The following TRAPPC13 variants were observed in gnomAD, a reference collection of about 807,000 sequenced individuals.
TRAPPC13 encodes the protein REV7-interacting novel NHEJ regulator 1.
TRAPPC13 carries 39 observed loss-of-function variants against 54.0 expected under a neutral mutation model. That is an observed-to-expected ratio of 0.72 (90% confidence interval 0.56 to 0.94). The LOEUF (loss-of-function observed/expected upper bound fraction) is 0.94, where lower values mean the gene tolerates loss of function less well. Among genes scored for constraint, TRAPPC13 ranks in the 40% least tolerant of loss-of-function variants. The pLI is 0.00. For missense variants in TRAPPC13, 386 were observed against 488.1 expected (o/e 0.79, Z 1.97); for synonymous variants, 148 against 167.7 (o/e 0.88, Z 0.91).
intron 1 of TRAPPC13, chr5:65,630,106 C>T (rs748717430): frequency 5.9e-6 from 9 of 1,536,026 alleles, no homozygotes; most frequent in Non-Finnish European, 7.8e-6. Context: ...CAATAGAACA[C>T]ACTATTTGTA....
intron 4 of TRAPPC13, among the ~76,000 whole-genome samples, chr5:65,646,124 T>C (rs1262522723): frequency 6.6e-6 from 1 of 151,998 alleles, no homozygotes; most frequent in Non-Finnish European, 1.5e-5. Context: ...TAATTATAGA[T>C]TGTGATAAAT....
intron 11 of TRAPPC13, 173 bp from the exon 12 acceptor site, chr5:65,664,064 T>G (rs1409994978): frequency 1.5e-6 from 1 of 647,742 alleles, no homozygotes; most frequent in East Asian, 2.8e-5. Flanking sequence ...CTTCCTTTCA[T>G]CTTCCTGGTT....
chr5:65,637,948 A>C (rs1581213544), intron 4 of TRAPPC13, among the ~76,000 whole-genome samples, 168 bp downstream of exon 4: 1 of 151,334 alleles, frequency 6.6e-6, no homozygotes, highest in South Asian at 2.1e-4. Context: ...GTGAAACCCC[A>C]TCTCTACTAA....
intron 1 of TRAPPC13, among the ~76,000 whole-genome samples, chr5:65,631,949 A>T (rs527513699): frequency 7.3e-5 from 11 of 151,640 alleles, no homozygotes. Flanking sequence ...GATTCCCTTG[A>T]GACTGTATTT....
chr5:65,634,099 C>T (rs1362390687), intron 1 of TRAPPC13, among the ~76,000 whole-genome samples: 1 of 151,202 alleles, frequency 6.6e-6, no homozygotes, highest in East Asian at 2.0e-4. Flanking sequence ...CATTCTCCTG[C>T]CTCAGCCTGC....
At chr5:65,657,023 G>A (rs1247066187) in intron 8 of TRAPPC13, among the ~76,000 whole-genome samples, 1 of 148,030 alleles carries the variant, frequency 6.8e-6, no homozygotes, top group Non-Finnish European at 1.5e-5. Context: ...GTTGCAGTGA[G>A]AGGAGATCTT....
At chr5:65,639,488 C>A (rs920521808) in intron 4 of TRAPPC13, among the ~76,000 whole-genome samples, 1 of 152,066 alleles carries the variant, frequency 6.6e-6, no homozygotes, top group Non-Finnish European at 1.5e-5. Context: ...AACGAGACTC[C>A]CATCTCTACA....
At chr5:65,635,840 T>C in intron 2 of TRAPPC13, 104 bp from the exon 3 acceptor site, 1 of 660,710 alleles carries the variant, frequency 1.5e-6, no homozygotes, top group Non-Finnish European at 2.4e-6. Context: ...ATCATCTTTG[T>C]CAAGAGGTTG....
intron 1 of TRAPPC13, chr5:65,629,599 A>G (rs915927831): frequency 1.3e-6 from 2 of 1,531,390 alleles, no homozygotes; most frequent in Non-Finnish European, 1.7e-6. Context: ...TGACTACAGA[A>G]GTAATATTAC....
rs5868412 is a variant in TRAPPC13 at position 65,636,144 on chromosome 5, C to CTTT, written c.215+114_215+116dup. 2.1e-3 allele frequency: 1,085 copies of CTTT among 505,780 alleles called. 1 individual carries two copies. Among genetic ancestry groups the CTTT allele is most frequent in the African/African-American group, 3.4e-3 (161 of 46,840 alleles). The allele number at this position is 505,780 out of a possible 1,614,324, so 31.3% of individuals were successfully genotyped here. A position where few individuals can be genotyped will look rare whatever the true frequency, so the allele number is the denominator to read the frequency against. ...GGGGAAATGCTCATGATACATTTACCTTTTTTTTTTTTTTTCTGAGATGGA... is the reference window on the plus strand; with the variant it reads ...GGGGAAATGCTCATGATACATTTACCTTTTTTTTTTTTTTTTTTCTGAGATGGA... On this transcript the variant is annotated intron_variant, in intron 3 of 12. Coordinates refer to ENST00000399438, the MANE Select transcript of TRAPPC13 (RefSeq NM_024941.4).
chr5:65,640,751 T>C (rs937972973), intron 4 of TRAPPC13, among the ~76,000 whole-genome samples: 1 of 152,146 alleles, frequency 6.6e-6, no homozygotes, highest in Non-Finnish European at 1.5e-5. Context: ...GGCATATACT[T>C]TAAGATGTCA....
chr5:65,625,241 G>T, intron 1 of TRAPPC13, 135 bp downstream of exon 1: 2 of 753,990 alleles, frequency 2.7e-6, no homozygotes, highest in Non-Finnish European at 4.5e-6. Context: ...GCCGCCAAGC[G>T]GGAGGAAGCG....
chr5:65,639,371 A>T (rs964651439), intron 4 of TRAPPC13, among the ~76,000 whole-genome samples: 2 of 152,138 alleles, frequency 1.3e-5, no homozygotes, highest in African/African-American at 4.8e-5. Context: ...TAAGAAAAAA[A>T]AAAACAGGCC....
intron 3 of TRAPPC13, 121 bp downstream of exon 3, chr5:65,636,164 G>T (rs1166399534): frequency 4.8e-6 from 3 of 629,472 alleles, no homozygotes; most frequent in Non-Finnish European, 8.0e-6. Flanking sequence ...TTTTTTCTGA[G>T]ATGGAGTCTC....
At chr5:65,632,423 A>G (rs576553803) in intron 1 of TRAPPC13, among the ~76,000 whole-genome samples, 1 of 152,136 alleles carries the variant, frequency 6.6e-6, no homozygotes, top group African/African-American at 2.4e-5. Flanking sequence ...GCTGATTAAT[A>G]CTCTTTGGAA....
chr5:65,633,319 T>C (rs572197512), intron 1 of TRAPPC13, among the ~76,000 whole-genome samples: 330 of 152,176 alleles, frequency 2.2e-3, no homozygotes, highest in Non-Finnish European at 3.6e-3. Context: ...CTTGCTCTGT[T>C]GCCCAGGCTG....
At chr5:65,657,657 A>G (rs1371017189) in intron 8 of TRAPPC13, among the ~76,000 whole-genome samples, 1 of 152,300 alleles carries the variant, frequency 6.6e-6, no homozygotes, top group Non-Finnish European at 1.5e-5. Context: ...TAATTTATCT[A>G]ATTATTAAAA....
chr5:65,665,365 G>T lies in TRAPPC13; in HGVS notation c.*754G>T, dbSNP rs1416387723. The T allele has an allele frequency of 6.6e-6, 1 of 152,100 alleles. No homozygotes were observed. Among genetic ancestry groups the T allele is most frequent in the Non-Finnish European group, 1.5e-5 (1 of 68,020 alleles). The allele number at this position is 152,100 out of a possible 1,614,324, so 9.4% of individuals were successfully genotyped here. On this transcript the variant is annotated 3_prime_UTR_variant, in exon 13 of 13. Transcript: ENST00000399438. ...GCAGAAAAAGTTTGCTTAAAACAAA[G>T]GGGGTAGTCCTCTTATAACCTGATA...
At position 65,647,194 on chromosome 5, in the gene TRAPPC13, T is replaced by G; in HGVS notation, c.428+12T>G. ...ATTGGAACACACATGTAAGGATTAA[T>G]TTTATTAGTTCTCAAAGGTTTTTAC... On this transcript the variant is annotated intron_variant, in intron 5 of 12. Transcript: ENST00000399438. The G allele has an allele frequency of 6.4e-7, 1 of 1,563,970 alleles. No homozygotes were observed. The highest frequency in any genetic ancestry group is 1.2e-5 in the South Asian group (1 of 82,350).
Sources: gnomAD v4.1 joint callset for allele counts (sites outside exome capture counted in the v4.1 genomes callset) on GRCh38, gnomAD v4.1.1 for gene constraint, MANE v1.5 for transcripts, NCBI Gene and HGNC (gene_info 2026-07-23, HGNC 2026-07-21) for gene names.